RBFOX1: variants seen among roughly 807,000 people sequenced by gnomAD.
RBFOX1 encodes the protein RNA binding fox-1 homolog 1.
Under a neutral mutation model 57.7 loss-of-function variants are expected in RBFOX1, and 8 were observed. The ratio of observed to expected loss-of-function variants is 0.14; its 90% CI spans 0.08 to 0.25. The LOEUF (loss-of-function observed/expected upper bound fraction) is 0.25. RBFOX1 is among the 10% of genes least tolerant of loss of function. The pLI, the probability that RBFOX1 is intolerant of heterozygous loss-of-function variation, is 1.00. For missense variants in RBFOX1, 611 were observed against 548.5 expected (o/e 1.11, Z -1.14); for synonymous variants, 326 against 222.4 (o/e 1.47, Z -4.15).
intron 4 of RBFOX1, among the ~76,000 whole-genome samples, chr16:7,238,052 G>A (rs184532508): frequency 6.6e-6 from 1 of 152,198 alleles, no homozygotes; most frequent in Non-Finnish European, 1.5e-5. Flanking sequence ...GATGAACCTT[G>A]AGGACATTAT....
chr16:5,675,990 A>G (rs76152514), intron 3 of RBFOX1, among the ~76,000 whole-genome samples: 3,068 of 152,258 alleles, frequency 0.02, 94 homozygotes, highest in African/African-American at 0.07. Context: ...CATTTAAAAA[A>G]AGAAGGCATC....
intron 3 of RBFOX1, among the ~76,000 whole-genome samples, chr16:6,958,588 C>G (rs999193330): frequency 1.1e-4 from 17 of 152,252 alleles, no homozygotes; most frequent in African/African-American, 3.9e-4. Flanking sequence ...CGGAATATTT[C>G]CTTTCAACAA....
At chr16:6,812,006 G>T (rs1322731962) in intron 3 of RBFOX1, among the ~76,000 whole-genome samples, 1 of 152,160 alleles carries the variant, frequency 6.6e-6, no homozygotes, top group African/African-American at 2.4e-5. Flanking sequence ...AGGTGGCCAT[G>T]CCATTTCTCC....
intron 3 of RBFOX1, among the ~76,000 whole-genome samples, chr16:5,608,325 C>T (rs570788379): frequency 6.6e-6 from 1 of 152,220 alleles, no homozygotes; most frequent in South Asian, 2.1e-4. Context: ...CAGCAGCAGC[C>T]GTCTGAGCAG....
chr16:6,895,302 A>G (rs1197895325), intron 3 of RBFOX1, among the ~76,000 whole-genome samples: 2 of 151,604 alleles, frequency 1.3e-5, no homozygotes, highest in African/African-American at 4.8e-5. Flanking sequence ...TCTAAAAAAT[A>G]TATAAAACTG....
intron 2 of RBFOX1, among the ~76,000 whole-genome samples, chr16:6,568,689 C>T (rs2097301764): frequency 6.6e-6 from 1 of 152,130 alleles, no homozygotes; most frequent in Non-Finnish European, 1.5e-5. Context: ...CTCTGTATAA[C>T]AGTAAATCAT....
At chr16:5,969,832 C>T (rs2059928558) in intron 4 of RBFOX1, among the ~76,000 whole-genome samples, 1 of 151,790 alleles carries the variant, frequency 6.6e-6, no homozygotes, top group Admixed American at 6.6e-5. Flanking sequence ...CTGCTGACTT[C>T]CAGCAATATC....
At chr16:5,668,786 C>G (rs1490954306) in intron 3 of RBFOX1, among the ~76,000 whole-genome samples, 1 of 152,126 alleles carries the variant, frequency 6.6e-6, no homozygotes, top group Non-Finnish European at 1.5e-5. Flanking sequence ...GGTCATTCAC[C>G]ATTATCTCGG....
chr16:7,407,497 C>T (rs1180199690), intron 4 of RBFOX1, among the ~76,000 whole-genome samples: 9 of 151,940 alleles, frequency 5.9e-5, no homozygotes, highest in African/African-American at 1.9e-4. Context: ...CAATCATATG[C>T]ATCTTTGTAT....
At chr16:5,490,616 C>G (rs974171333) in intron 2 of RBFOX1, among the ~76,000 whole-genome samples, 2 of 152,142 alleles carry the variant, frequency 1.3e-5, no homozygotes, top group Non-Finnish European at 1.5e-5. Context: ...GTGGCCCAGC[C>G]CTGCCTTGGT....
chr16:7,503,668 G>T (rs977542773), intron 4 of RBFOX1, among the ~76,000 whole-genome samples: 3 of 152,218 alleles, frequency 2.0e-5, no homozygotes, highest in Non-Finnish European at 4.4e-5. Context: ...ATGAAAGTCT[G>T]TTCAGGATTG....
At chr16:7,303,766 T>G (rs1322240219) in intron 4 of RBFOX1, among the ~76,000 whole-genome samples, 1 of 148,024 alleles carries the variant, frequency 6.8e-6, no homozygotes, top group East Asian at 2.0e-4. Flanking sequence ...TCTCGCTCTC[T>G]CTCTCTCTCT....
At chr16:7,321,874 G>C (rs905706229) in intron 4 of RBFOX1, among the ~76,000 whole-genome samples, 43 of 152,146 alleles carry the variant, frequency 2.8e-4, no homozygotes, top group Admixed American at 2.7e-3. Flanking sequence ...GCCACCAGCT[G>C]CCTGGCCATG....
chr16:7,251,936 T>G (rs1383120338), intron 4 of RBFOX1, among the ~76,000 whole-genome samples: 1 of 152,214 alleles, frequency 6.6e-6, no homozygotes, highest in East Asian at 1.9e-4. Context: ...ATGGCTGTAC[T>G]AATTTGCATT....
At chr16:5,935,009 G>C (rs922557230) in intron 4 of RBFOX1, among the ~76,000 whole-genome samples, 1 of 152,164 alleles carries the variant, frequency 6.6e-6, no homozygotes, top group African/African-American at 2.4e-5. Flanking sequence ...GCAGAATATC[G>C]AAGGGTCAAT....
At chr16:5,510,808 C>T (rs1421528755) in intron 2 of RBFOX1, among the ~76,000 whole-genome samples, 1 of 152,060 alleles carries the variant, frequency 6.6e-6, no homozygotes, top group Non-Finnish European at 1.5e-5. Flanking sequence ...CTGCAGGATG[C>T]TGAGCAGCCT....
intron 4 of RBFOX1, among the ~76,000 whole-genome samples, chr16:7,347,769 C>T (rs934310507): frequency 6.6e-6 from 1 of 152,112 alleles, no homozygotes; most frequent in Non-Finnish European, 1.5e-5. Flanking sequence ...TGAACTATGC[C>T]CGAGACCCCC....
At chr16:6,065,484 A>G (rs2095749535) in intron 1 of RBFOX1, among the ~76,000 whole-genome samples, 2 of 152,112 alleles carry the variant, frequency 1.3e-5, no homozygotes, top group African/African-American at 2.4e-5. Context: ...AGCCTCTGAT[A>G]TATCATTGCG....
intron 5 of RBFOX1, among the ~76,000 whole-genome samples, chr16:7,576,627 T>C (rs1197607323): frequency 2.0e-5 from 3 of 152,216 alleles, no homozygotes; most frequent in Non-Finnish European, 4.4e-5. Context: ...AAGGAAACAA[T>C]GCAAAGATTT....
Sources: gnomAD v4.1 joint callset for allele counts (sites outside exome capture counted in the v4.1 genomes callset) on GRCh38, gnomAD v4.1.1 for gene constraint, MANE v1.5 for transcripts, NCBI Gene and HGNC (gene_info 2026-07-23, HGNC 2026-07-21) for gene names.